IQCH: variants seen among roughly 807,000 people sequenced by gnomAD.
IQCH encodes IQ motif containing H, also known as IQ domain-containing protein H.
A neutral mutation model predicts 117.0 loss-of-function variants in IQCH; 98 were observed. That is an observed-to-expected ratio of 0.84 (90% CI 0.71 to 0.99). The LOEUF is 0.99. IQCH is among the 50% of genes least tolerant of loss of function. The probability of loss-of-function intolerance (pLI) is 0.00; values close to 1 mark genes in which losing one functional copy is unlikely to be tolerated. For missense variants in IQCH, 1,102 were observed against 1,243.8 expected (o/e 0.89, Z 1.72); for synonymous variants, 412 against 448.2 (o/e 0.92, Z 1.02).
chr15:67,360,440 A>C (rs1372534265), intron 8 of IQCH, among the ~76,000 whole-genome samples: 1 of 152,246 alleles, frequency 6.6e-6, no homozygotes, highest in African/African-American at 2.4e-5. Flanking sequence ...AACATTCCAC[A>C]AGGCCATGCA....
chr15:67,396,087 A>G (rs1308951684), intron 13 of IQCH, among the ~76,000 whole-genome samples: 2 of 152,236 alleles, frequency 1.3e-5, no homozygotes, highest in Non-Finnish European at 2.9e-5. Context: ...AAATGTATAT[A>G]TCATTTGGAC....
At chr15:67,260,711 T>G (rs1175435566) in intron 1 of IQCH, among the ~76,000 whole-genome samples, 1 of 152,210 alleles carries the variant, frequency 6.6e-6, no homozygotes. Context: ...TTATCTTAAA[T>G]CTATTTCTCA....
chr15:67,400,176 A>G lies in IQCH; in HGVS notation c.1968A>G (p.Lys656=), dbSNP rs751602881. ...DHLQIQRWLF[K]MDSEFRGNGT... is the part of the protein sequence containing the mutation. ...TGCAAATACAGCGTTGGCTCTTTAAAATGGACTCTGAGTTCCGAGGAAATG... is the reference window on the plus strand; with the variant it reads ...TGCAAATACAGCGTTGGCTCTTTAAGATGGACTCTGAGTTCCGAGGAAATG... Residue 656 remains lysine, a synonymous_variant, in exon 14 of 21, where the codon AAA becomes AAG. Transcript: ENST00000335894. The G allele has an allele frequency of 6.2e-7, 1 of 1,613,950 alleles. No individual in the cohort carries two copies. Among genetic ancestry groups the G allele is most frequent in the Non-Finnish European group, 8.5e-7 (1 of 1,179,900 alleles).
chr15:67,421,704 A>C (rs1596344278), intron 16 of IQCH, 127 bp downstream of exon 16: 1 of 951,186 alleles, frequency 1.1e-6, no homozygotes, highest in East Asian at 2.5e-5. Context: ...AACTTGCTCT[A>C]AATTCAACAC....
chr15:67,490,936 A>C lies in IQCH; in HGVS notation c.2861+872A>C, dbSNP rs1329504787. 1.3e-5 allele frequency among the ~76,000 whole-genome samples: 2 copies of C among 152,192 alleles called. No individual in the cohort carries two copies. The highest frequency in any genetic ancestry group is 2.9e-5 in the Non-Finnish European group (2 of 68,022). ...TCCTATCTAGGACTCAGAATTTTAGAGCTACAACCTTGAGTCATCTCTTAT... is the reference window on the plus strand; with the variant it reads ...TCCTATCTAGGACTCAGAATTTTAGCGCTACAACCTTGAGTCATCTCTTAT... On this transcript the variant is annotated intron_variant, in intron 19 of 20. Coordinates refer to ENST00000335894, the MANE Select transcript of IQCH (RefSeq NM_001031715.3). This position sits in a 1 kb window ranked among gnomAD's most constrained non-coding sequence, Gnocchi z 4.9.
chr15:67,468,848 T>C (rs1320098806), intron 17 of IQCH, among the ~76,000 whole-genome samples: 1 of 152,232 alleles, frequency 6.6e-6, no homozygotes, highest in African/African-American at 2.4e-5. Flanking sequence ...ATAAACATGA[T>C]TAATTTTCAG....
intron 1 of IQCH, among the ~76,000 whole-genome samples, chr15:67,256,810 C>T (rs1965237006): frequency 6.6e-6 from 1 of 152,168 alleles, no homozygotes; most frequent in Non-Finnish European, 1.5e-5. Context: ...TTCCTGTGGA[C>T]ATATCAAGTA....
intron 6 of IQCH, among the ~76,000 whole-genome samples, chr15:67,355,745 A>G (rs935177275): frequency 2.6e-5 from 4 of 152,210 alleles, no homozygotes; most frequent in Non-Finnish European, 5.9e-5. Flanking sequence ...GCATTAGGAT[A>G]CGGTTTTGTA....
Position 67,261,270 on chromosome 15 carries a change from A to G in IQCH, c.52-2A>G. 1 of 1,521,862 alleles carries G rather than the reference A, an allele frequency of 6.6e-7. No individual in the cohort carries two copies. Among genetic ancestry groups the G allele is most frequent in the Non-Finnish European group, 8.9e-7 (1 of 1,125,456 alleles). 94.3% of individuals were successfully genotyped at this position (1,521,862 alleles called of 1,614,324 possible). A position where few individuals can be genotyped will look rare whatever the true frequency, so the allele number is the denominator to read the frequency against. On this transcript the variant is annotated splice_acceptor_variant, in intron 1 of 20. Coordinates refer to ENST00000335894, the MANE Select transcript of IQCH (RefSeq NM_001031715.3). LOFTEE classifies it high-confidence loss of function. ...AATATTTTTCATTTTTTATACCTAT[A>G]GATCCATGAAGACCTTTATCAGTTA... is the stretch of plus-strand genomic sequence containing the variant.
At chr15:67,484,369 G>A (rs1007812890) in intron 18 of IQCH, among the ~76,000 whole-genome samples, 7 of 151,616 alleles carry the variant, frequency 4.6e-5, no homozygotes, top group African/African-American at 7.3e-5. Context: ...TCATGCCACT[G>A]CATCCCAGCC....
At chr15:67,274,931 G>A (rs538477670) in intron 3 of IQCH, among the ~76,000 whole-genome samples, 97 of 152,316 alleles carry the variant, frequency 6.4e-4, no homozygotes, top group African/African-American at 2.3e-3. Context: ...AATGCTGCCT[G>A]TCCCAAATGG....
chr15:67,416,735 C>A lies in IQCH; in HGVS notation c.2098-196C>A, dbSNP rs996584842. On this transcript the variant is annotated intron_variant, in intron 14 of 20. Transcript: ENST00000335894. This position sits in a 1 kb window ranked among gnomAD's most constrained non-coding sequence, Gnocchi z 5.1. ...CAGGAACAATTAAGAATTTTTAGGG[C>A]GCCAAATCACTTTTGAAATATGAAA... Among the ~76,000 whole-genome samples, 4 of 151,876 alleles carry A rather than the reference C, an allele frequency of 2.6e-5. No homozygotes were observed. In the South Asian group the frequency reaches 8.3e-4, roughly 31 times the overall value.
intron 18 of IQCH, among the ~76,000 whole-genome samples, chr15:67,489,255 G>C (rs1160778004): frequency 6.6e-6 from 1 of 151,750 alleles, no homozygotes; most frequent in African/African-American, 2.4e-5. Flanking sequence ...GGATGGTCTC[G>C]ATCTCCTGAC....
rs1387393262 is a variant in IQCH at position 67,342,025 on chromosome 15, C to T, written c.509-2038C>T. The stretch of plus-strand genomic sequence containing the variant: ...GTGGCTCACACCTATAATCTCAGCA[C>T]CTTGGGAGGCCAAGGCAGGAAGATT... On this transcript the variant is annotated intron_variant, in intron 5 of 20. Transcript: ENST00000335894. This position sits in a 1 kb window ranked among gnomAD's most constrained non-coding sequence, Gnocchi z 4.7. 6.6e-6 allele frequency among the ~76,000 whole-genome samples: 1 copy of T among 151,944 alleles called. No individual in the cohort carries two copies. Among genetic ancestry groups the T allele is most frequent in the East Asian group, 1.9e-4 (1 of 5,188 alleles).
intron 17 of IQCH, among the ~76,000 whole-genome samples, chr15:67,468,604 T>C (rs753693666): frequency 2.8e-4 from 42 of 152,238 alleles, no homozygotes; most frequent in Non-Finnish European, 5.7e-4. Context: ...TCATTATGCA[T>C]GTGGATGCCT....
rs112986650 is a variant in IQCH, at chr15:67,274,179, C to G, written c.270-5216C>G. On this transcript the variant is annotated intron_variant, in intron 3 of 20. Transcript: ENST00000335894. The stretch of plus-strand genomic sequence containing the variant: ...GTTGAATCTATTTGGTGTTCTCTGC[C>G]CTTCCTGTACCTGGATATTTCTGTC... 6.6e-3 allele frequency among the ~76,000 whole-genome samples: 1,004 copies of G among 152,220 alleles called. 4 individuals are homozygous for G. Among genetic ancestry groups the G allele is most frequent in the Non-Finnish European group, 0.012 (789 of 68,006 alleles).
intron 4 of IQCH, among the ~76,000 whole-genome samples, chr15:67,322,402 C>A (rs1968176748): frequency 6.6e-6 from 1 of 152,148 alleles, no homozygotes. Flanking sequence ...CTTAGAGTAG[C>A]ATTTAGTCAT....
chr15:67,351,974 A>G (rs186038623), intron 6 of IQCH, among the ~76,000 whole-genome samples: 1 of 152,220 alleles, frequency 6.6e-6, no homozygotes, highest in East Asian at 1.9e-4. Context: ...AATTACTAAT[A>G]TATTTTGATA....
chr15:67,338,957 C>T (rs1969023878), intron 5 of IQCH, among the ~76,000 whole-genome samples: 1 of 152,162 alleles, frequency 6.6e-6, no homozygotes. Context: ...TTCACAAGTG[C>T]CTTTTCCTCT....
Sources: gnomAD v4.1 joint callset for allele counts (sites outside exome capture counted in the v4.1 genomes callset) on GRCh38, gnomAD v4.1.1 for gene constraint, Gnocchi (gnomAD v3.1) non-coding constraint, MANE v1.5 for transcripts, NCBI Gene and HGNC (gene_info 2026-07-23, HGNC 2026-07-21) for gene names.